TAFA2: variants seen among roughly 807,000 people sequenced by gnomAD.
The protein encoded by TAFA2 is TAFA chemokine like family member 2, also known as chemokine-like protein TAFA-2.
A neutral mutation model predicts 18.8 loss-of-function variants in TAFA2; 7 were observed. The ratio of observed to expected loss-of-function variants is 0.37; its 90% CI spans 0.21 to 0.70. The LOEUF (loss-of-function observed/expected upper bound fraction) is 0.70, where lower values mean the gene tolerates loss of function less well. Ranked by LOEUF, TAFA2 falls within the 30% of genes least tolerant of loss-of-function variation. The pLI is 0.53. For missense variants in TAFA2, 122 were observed against 158.1 expected (o/e 0.77, Z 1.23); for synonymous variants, 60 against 54.2 (o/e 1.11, Z -0.47).
At chr12:61,935,092 C>T (rs1241643733) in intron 1 of TAFA2, among the ~76,000 whole-genome samples, 1 of 152,150 alleles carries the variant, frequency 6.6e-6, no homozygotes, top group Non-Finnish European at 1.5e-5. Flanking sequence ...AGAAAAAGAA[C>T]TGTGAAGTGC....
intron 1 of TAFA2, chr12:62,234,289 A>T (rs1043256643): frequency 1.5e-5 from 6 of 411,648 alleles, no homozygotes; most frequent in Non-Finnish European, 2.3e-5. Context: ...AGGCTCAAAA[A>T]ACATTTGCTG....
At chr12:62,170,515 C>T (rs2062470453) in intron 1 of TAFA2, among the ~76,000 whole-genome samples, 1 of 152,120 alleles carries the variant, frequency 6.6e-6, no homozygotes, top group South Asian at 2.1e-4. Flanking sequence ...TTCATGTTTG[C>T]TTATTTACTG....
At chr12:61,759,451 A>G (rs2120782695) in intron 2 of TAFA2, among the ~76,000 whole-genome samples, 1 of 152,202 alleles carries the variant, frequency 6.6e-6, no homozygotes, top group Non-Finnish European at 1.5e-5. Context: ...CCCACCAGCC[A>G]GAGCAACGAA....
At chr12:61,817,104 C>G (rs1378980641) in intron 2 of TAFA2, among the ~76,000 whole-genome samples, 8 of 146,502 alleles carry the variant, frequency 5.5e-5, no homozygotes, top group Non-Finnish European at 2.9e-5. Context: ...ATATATGAAG[C>G]AGCATGACAT....
chr12:61,748,812 C>T (rs1447642198), intron 4 of TAFA2, among the ~76,000 whole-genome samples: 2 of 152,038 alleles, frequency 1.3e-5, no homozygotes, highest in Non-Finnish European at 2.9e-5. Context: ...ATCTTCTTGT[C>T]ACATGGAACC....
At chr12:61,780,689 A>C (rs998680365) in intron 2 of TAFA2, among the ~76,000 whole-genome samples, 1 of 151,672 alleles carries the variant, frequency 6.6e-6, no homozygotes, top group Non-Finnish European at 1.5e-5. Flanking sequence ...CAGATGGCCC[A>C]GTCACATTCA....
intron 1 of TAFA2, among the ~76,000 whole-genome samples, chr12:62,030,607 G>T (rs1881432032): frequency 6.6e-6 from 1 of 152,146 alleles, no homozygotes; most frequent in Non-Finnish European, 1.5e-5. Flanking sequence ...TGTCAGGCTT[G>T]CAGTGAAAGC....
At chr12:61,984,735 A>T (rs1208179622) in intron 1 of TAFA2, among the ~76,000 whole-genome samples, 1 of 152,222 alleles carries the variant, frequency 6.6e-6, no homozygotes. Flanking sequence ...CCTCATGTAC[A>T]GTTTAACAGT....
intron 1 of TAFA2, among the ~76,000 whole-genome samples, chr12:61,921,547 A>ATGGTG (rs988942206): frequency 4.6e-5 from 7 of 151,954 alleles, no homozygotes; most frequent in African/African-American, 1.7e-4. Flanking sequence ...GTGGTGGGGT[A>ATGGTG]TGGTGTGGTG....
chr12:62,068,998 G>A (rs565636255), intron 1 of TAFA2, among the ~76,000 whole-genome samples: 66 of 152,176 alleles, frequency 4.3e-4, no homozygotes, highest in African/African-American at 1.4e-3. Flanking sequence ...TCCTGTGTGG[G>A]GACATCATAA....
At chr12:62,111,954 G>A (rs1273378650) in intron 1 of TAFA2, among the ~76,000 whole-genome samples, 2 of 152,162 alleles carry the variant, frequency 1.3e-5, no homozygotes, top group Non-Finnish European at 2.9e-5. Flanking sequence ...TTGCCAGTAT[G>A]TGTCTTTTAA....
chr12:62,086,244 G>A (rs1197894405), intron 1 of TAFA2, among the ~76,000 whole-genome samples: 9 of 151,696 alleles, frequency 5.9e-5, no homozygotes, highest in African/African-American at 1.7e-4. Context: ...TAGCAAGATT[G>A]TTTGGATATG....
chr12:61,896,006 T>G (rs1875825792), intron 1 of TAFA2, among the ~76,000 whole-genome samples: 1 of 151,096 alleles, frequency 6.6e-6, no homozygotes, highest in African/African-American at 2.4e-5. Context: ...ATCAAGCAAT[T>G]AGTGAGAGAG....
intron 1 of TAFA2, among the ~76,000 whole-genome samples, chr12:61,964,113 A>G (rs949578774): frequency 1.3e-5 from 2 of 152,066 alleles, no homozygotes; most frequent in African/African-American, 4.8e-5. Flanking sequence ...ACCTAAAACC[A>G]TAAAACCCCT....
intron 1 of TAFA2, among the ~76,000 whole-genome samples, chr12:62,148,310 G>A (rs1432353019): frequency 3.3e-5 from 5 of 152,276 alleles, no homozygotes; most frequent in Non-Finnish European, 7.4e-5. Flanking sequence ...CCCATCAATG[G>A]TGGGTTGGAT....
chr12:61,720,825 AC>A, intron 4 of TAFA2: 4 of 480,542 alleles, frequency 8.3e-6, no homozygotes, highest in Non-Finnish European at 1.2e-5. Context: ...TGGAGCCAAA[AC>A]TTTTTTGAGT....
intron 1 of TAFA2, among the ~76,000 whole-genome samples, chr12:61,951,492 C>A (rs966364702): frequency 6.6e-6 from 1 of 151,910 alleles, no homozygotes; most frequent in Non-Finnish European, 1.5e-5. Flanking sequence ...TGTCCTGGCT[C>A]AAATTAGGCA....
intron 1 of TAFA2, chr12:62,198,329 T>G (rs1592396681): frequency 6.6e-6 from 1 of 152,328 alleles, no homozygotes; most frequent in African/African-American, 2.4e-5. Context: ...CCTCCTCTCT[T>G]TCTGCCTCCA....
chr12:61,856,747 T>A (rs1341956794), intron 2 of TAFA2, among the ~76,000 whole-genome samples: 1 of 151,938 alleles, frequency 6.6e-6, no homozygotes, highest in Non-Finnish European at 1.5e-5. Flanking sequence ...TTGAGTCATT[T>A]GACCTAGTAA....
Sources: allele counts gnomAD v4.1 joint callset (sites outside exome capture counted in the v4.1 genomes callset), GRCh38; gene constraint gnomAD v4.1.1; transcripts MANE v1.5; gene names NCBI Gene and HGNC (gene_info 2026-07-23, HGNC 2026-07-21).